SLC22A14: variants seen among roughly 807,000 people sequenced by gnomAD.
The protein encoded by SLC22A14 is organic cation transporter-like 4.
Under a neutral mutation model 53.9 loss-of-function variants are expected in SLC22A14, and 50 were observed. The observed-to-expected ratio is 0.93, with a 90% CI of 0.74 to 1.17. The LOEUF is 1.17. SLC22A14 is among the 50% of genes most tolerant of loss of function. SLC22A14 has a pLI of 0.00. For synonymous variants in SLC22A14, 312 were observed against 303.0 expected, an observed-to-expected ratio of 1.03 and a Z score of -0.31; for missense variants, 671 against 734.7, an observed-to-expected ratio of 0.91 and a Z score of 1.00.
intron 1 of SLC22A14, among the ~76,000 whole-genome samples, chr3:38,298,122 A>G (rs531310704): frequency 3.9e-4 from 60 of 152,204 alleles, no homozygotes; most frequent in Non-Finnish European, 6.0e-4. Context: ...ATCATTATTT[A>G]TTTTATTGCT....
rs143706923 is a variant in SLC22A14, at chr3:38,316,495, C to T, written c.1704C>T (p.Ser568=). ...CGGAAACGCGAGATCAGCCCCTCTC[C>T]GAGAGCCTGAACCACTCCTCACAGA... ...LLPETRDQPL[S]ESLNHSSQIR... The change falls in exon 10 of 11, where the codon TCC becomes TCT. Residue 568 remains serine (S), a synonymous_variant. Coordinates refer to ENST00000448498, the MANE Select transcript of SLC22A14 (RefSeq NM_001320033.2). 1.4e-5 allele frequency: 23 copies of T among 1,614,020 alleles called. No homozygotes were observed. The highest frequency in any genetic ancestry group is 1.6e-4 in the Middle Eastern group (1 of 6,084).
intron 5 of SLC22A14, among the ~76,000 whole-genome samples, chr3:38,310,500 T>G (rs1405240406): frequency 6.6e-6 from 1 of 152,192 alleles, no homozygotes; most frequent in Non-Finnish European, 1.5e-5. Flanking sequence ...CTATTGTTCT[T>G]CCTCCTGTCT....
intron 5 of SLC22A14, among the ~76,000 whole-genome samples, chr3:38,310,574 C>G (rs576889160): frequency 6.6e-6 from 1 of 152,228 alleles, no homozygotes; most frequent in East Asian, 1.9e-4. Flanking sequence ...AGACCAAAGA[C>G]TGACATGGCA....
chr3:38,282,108 A>G (rs1025007035), upstream of SLC22A14, among the ~76,000 whole-genome samples: 1 of 152,152 alleles, frequency 6.6e-6, no homozygotes, highest in Non-Finnish European at 1.5e-5. Context: ...CCTCGTGTGG[A>G]GGAAACAGCC....
intron 1 of SLC22A14, among the ~76,000 whole-genome samples, chr3:38,304,088 G>A (rs1704236866): frequency 6.6e-6 from 1 of 151,734 alleles, no homozygotes; most frequent in Non-Finnish European, 1.5e-5. Context: ...CTACTTGGGA[G>A]GCTGAGGCAG....
chr3:38,314,939 T>C (rs1219576681), intron 8 of SLC22A14, among the ~76,000 whole-genome samples: 1 of 152,224 alleles, frequency 6.6e-6, no homozygotes, highest in Non-Finnish European at 1.5e-5. Context: ...AAGCCAGGAC[T>C]GGAATGGGAG....
At chr3:38,284,327 G>A (rs921559926) in intron 1 of SLC22A14, among the ~76,000 whole-genome samples, 2 of 152,224 alleles carry the variant, frequency 1.3e-5, no homozygotes, top group African/African-American at 4.8e-5. Flanking sequence ...ACATGCCCAG[G>A]TGAGGACCCC....
At position 38,316,441 on chromosome 3, in the gene SLC22A14, C is replaced by T. The variant is rs766439590; in HGVS notation, c.1650C>T (p.Ile550=). 126 of 1,614,020 alleles carry T rather than the reference C, an allele frequency of 7.8e-5. No homozygotes were observed. Among genetic ancestry groups the T allele is most frequent in the Non-Finnish European group, 9.2e-5 (109 of 1,179,982 alleles). Residue 550 remains isoleucine (I), a synonymous_variant, in exon 10 of 11, where the codon ATC becomes ATT. Coordinates refer to ENST00000448498, the MANE Select transcript of SLC22A14 (RefSeq NM_001320033.2). ...TCTTTCTCTGCTGCGTCTTAGCCAT[C>T]GTGGCCTTTTCCCTCTCCTCCCTGC... The part of the protein sequence containing the change: ...LPIFLCCVLA[I]VAFSLSSLLP...
rs141680773 is a variant in SLC22A14, at chr3:38,298,303, C to T, written c.1-7724C>T. Reference sequence around the variant, plus strand: ...ACCCTGGAATCAACCATTTCTCCAACGAACCCTGGTTCTTTTATTTAGGAA... The same window carrying T: ...ACCCTGGAATCAACCATTTCTCCAATGAACCCTGGTTCTTTTATTTAGGAA... On this transcript the variant is annotated intron_variant, in intron 1 of 10. Coordinates refer to ENST00000448498, the MANE Select transcript of SLC22A14 (RefSeq NM_001320033.2). Among the ~76,000 whole-genome samples the T allele has an allele frequency of 2.0e-3, 306 of 152,292 alleles. 2 individuals are homozygous for T. Among genetic ancestry groups the T allele is most frequent in the South Asian group, 7.0e-3 (34 of 4,826 alleles).
chr3:38,301,639 C>G (rs1021770248), intron 1 of SLC22A14, among the ~76,000 whole-genome samples: 3 of 151,984 alleles, frequency 2.0e-5, no homozygotes, highest in Admixed American at 1.3e-4. Flanking sequence ...TCTTTCTTAT[C>G]TCATTGCACT....
At position 38,315,729 on chromosome 3, in the gene SLC22A14, C is replaced by A; in HGVS notation, c.1532+18C>A. 1 of 1,607,332 alleles carries A rather than the reference C, an allele frequency of 6.2e-7. No homozygotes were observed. Among genetic ancestry groups the A allele is most frequent in the East Asian group, 2.2e-5 (1 of 44,712 alleles). On this transcript the variant is annotated intron_variant, in intron 9 of 10. Transcript: ENST00000448498. ...GTGCTCAGGTATGGGGTCTGGTGGG[C>A]GAGGGGGCCATGGGGACATGCGCAG...
intron 8 of SLC22A14, 62 bp downstream of exon 8, chr3:38,314,003 C>T: frequency 6.8e-7 from 1 of 1,463,912 alleles, no homozygotes; most frequent in South Asian, 1.1e-5. Context: ...AACCCCTCCC[C>T]AGTGCCGCCT....
At chr3:38,299,537 T>TTTC (rs1438687208) in intron 1 of SLC22A14, among the ~76,000 whole-genome samples, 1 of 152,224 alleles carries the variant, frequency 6.6e-6, no homozygotes, top group Non-Finnish European at 1.5e-5. Flanking sequence ...GAATAGACAT[T>TTTC]TTCCTCATTC....
intron 1 of SLC22A14, among the ~76,000 whole-genome samples, chr3:38,302,469 C>G (rs896879928): frequency 5.3e-5 from 8 of 151,694 alleles, no homozygotes; most frequent in African/African-American, 1.9e-4. Context: ...CCAACCTGGG[C>G]AACACAACAA....
At chr3:38,279,337 G>A (rs1028125078), upstream of SLC22A14, among the ~76,000 whole-genome samples, 2 of 152,158 alleles carry the variant, frequency 1.3e-5, no homozygotes, top group African/African-American at 4.8e-5. Flanking sequence ...GTGGGGAAAG[G>A]GCCATTTCCC....
At chr3:38,314,401 G>A (rs1393358012) in intron 8 of SLC22A14, among the ~76,000 whole-genome samples, 1 of 152,232 alleles carries the variant, frequency 6.6e-6, no homozygotes, top group Non-Finnish European at 1.5e-5. Flanking sequence ...GTAATATGGG[G>A]CTCAGCACTC....
intron 1 of SLC22A14, among the ~76,000 whole-genome samples, chr3:38,286,194 A>C (rs977755223): frequency 6.6e-6 from 1 of 152,184 alleles, no homozygotes; most frequent in Non-Finnish European, 1.5e-5. Flanking sequence ...GTGAGCTGAG[A>C]TTGTGCCATT....
At chr3:38,312,480 G>C (rs1704494086) in intron 5 of SLC22A14, among the ~76,000 whole-genome samples, 1 of 152,212 alleles carries the variant, frequency 6.6e-6, no homozygotes, top group South Asian at 2.1e-4. Context: ...AGATGGGACA[G>C]AGTAGAGACC....
chr3:38,313,626 C>A, intron 7 of SLC22A14, 101 bp from the exon 8 acceptor site: 2 of 925,242 alleles, frequency 2.2e-6, no homozygotes, highest in South Asian at 1.4e-5. Context: ...TTTCTCTCCT[C>A]CGTTCCTACC....
Sources: allele counts gnomAD v4.1 joint callset (sites outside exome capture counted in the v4.1 genomes callset), GRCh38; gene constraint gnomAD v4.1.1; transcripts MANE v1.5; gene names NCBI Gene and HGNC (gene_info 2026-07-23, HGNC 2026-07-21).